SRGAP1: variants seen among roughly 807,000 people sequenced by gnomAD.
SRGAP1 encodes SLIT-ROBO Rho GTPase activating protein 1.
A neutral mutation model predicts 121.9 loss-of-function variants in SRGAP1; 43 were observed. The observed-to-expected ratio is 0.35, with a 90% CI of 0.28 to 0.46. The LOEUF (loss-of-function observed/expected upper bound fraction) is 0.46. Ranked by LOEUF, SRGAP1 falls within the 20% of genes least tolerant of loss-of-function variation. The probability of loss-of-function intolerance (pLI) is 1.00; values close to 1 mark genes in which losing one functional copy is unlikely to be tolerated. For synonymous variants in SRGAP1, 447 were observed against 485.4 expected, an observed-to-expected ratio of 0.92 and a Z score of 1.04; for missense variants, 1,102 against 1,350.9, an observed-to-expected ratio of 0.82 and a Z score of 2.89.
At position 64,144,802 on chromosome 12, in the gene SRGAP1, C is replaced by A. The variant is rs868650727; in HGVS notation, c.*2130C>A. 27 of 146,150 alleles carry A rather than the reference C, an allele frequency of 1.8e-4. No individual in the cohort carries two copies. The highest frequency in any genetic ancestry group is 6.4e-4 in the African/African-American group (25 of 38,946). 9.1% of individuals were successfully genotyped at this position (146,150 alleles called of 1,614,324 possible). A position where few individuals can be genotyped will look rare whatever the true frequency, so the allele number is the denominator to read the frequency against. On this transcript the variant is annotated 3_prime_UTR_variant, in exon 22 of 22. Transcript: ENST00000355086. ...CCTTTTAAACAATCCTCACAAATTCCTTAGGAATTTAAACTTTCCAAAATA... is the reference window on the plus strand; with the variant it reads ...CCTTTTAAACAATCCTCACAAATTCATTAGGAATTTAAACTTTCCAAAATA...
At chr12:63,958,758 T>G (rs1049017312) in intron 1 of SRGAP1, among the ~76,000 whole-genome samples, 1 of 152,232 alleles carries the variant, frequency 6.6e-6, no homozygotes, top group East Asian at 1.9e-4. Context: ...AATTAAGTCC[T>G]AAAAATCATA....
At chr12:64,024,982 A>G (rs1194580722) in intron 4 of SRGAP1, among the ~76,000 whole-genome samples, 1 of 152,148 alleles carries the variant, frequency 6.6e-6, no homozygotes, top group Non-Finnish European at 1.5e-5. Context: ...GCCAAACCAT[A>G]TCAATGCCTA....
intron 21 of SRGAP1, among the ~76,000 whole-genome samples, chr12:64,130,902 G>A (rs1335928815): frequency 1.3e-5 from 2 of 152,196 alleles, no homozygotes; most frequent in African/African-American, 4.8e-5. Flanking sequence ...TGATGGAAGA[G>A]GTCCAGTGTA....
chr12:63,900,167 C>T (rs193108720), intron 1 of SRGAP1, among the ~76,000 whole-genome samples: 2 of 150,622 alleles, frequency 1.3e-5, no homozygotes, highest in African/African-American at 2.4e-5. Flanking sequence ...CTTATGTCTC[C>T]GTTTGCCCTT....
intron 4 of SRGAP1, among the ~76,000 whole-genome samples, chr12:64,019,904 T>C (rs912737056): frequency 6.6e-6 from 1 of 152,308 alleles, no homozygotes. Flanking sequence ...CCTCAGGGAA[T>C]TGAGGATGCT....
chr12:64,012,614 A>G (rs1299247821), intron 3 of SRGAP1, among the ~76,000 whole-genome samples: 1 of 116,236 alleles, frequency 8.6e-6, no homozygotes, highest in East Asian at 2.5e-4. Context: ...GCTGGAGTGT[A>G]TGCTCACAGC....
At chr12:63,976,495 C>G (rs2136398499) in intron 1 of SRGAP1, among the ~76,000 whole-genome samples, 1 of 152,322 alleles carries the variant, frequency 6.6e-6, no homozygotes, top group South Asian at 2.1e-4. Context: ...CTCTCATTAT[C>G]TGTCTGTGTT....
intron 1 of SRGAP1, among the ~76,000 whole-genome samples, chr12:63,979,842 C>G (rs1009225593): frequency 6.6e-6 from 1 of 152,164 alleles, no homozygotes; most frequent in African/African-American, 2.4e-5. Context: ...GTCAGAGAAT[C>G]TAGGGGTAGG....
intron 1 of SRGAP1, among the ~76,000 whole-genome samples, chr12:63,902,006 T>G (rs117782892): frequency 0.019 from 2,943 of 152,280 alleles, 42 homozygotes; most frequent in South Asian, 0.035. Flanking sequence ...ACTTGCAAAA[T>G]CAAGACATGT....
intron 1 of SRGAP1, among the ~76,000 whole-genome samples, chr12:63,893,840 T>A (rs1455080779): frequency 6.6e-6 from 1 of 152,198 alleles, no homozygotes; most frequent in East Asian, 1.9e-4. Flanking sequence ...AGTCTTCATT[T>A]TTGTTTGTTT....
intron 8 of SRGAP1, among the ~76,000 whole-genome samples, chr12:64,072,108 C>CTCTCTGTGTGTGTGTGTGTG (rs775247857): frequency 1.2e-5 from 1 of 80,428 alleles, no homozygotes; most frequent in African/African-American, 4.6e-5. Context: ...CAATCTCTCT[C>CTCTCTGTGTGTGTGTGTGTG]TGTGTGTGTG....
intron 6 of SRGAP1, among the ~76,000 whole-genome samples, chr12:64,046,150 A>C (rs2035125908): frequency 6.6e-6 from 1 of 152,214 alleles, no homozygotes; most frequent in Non-Finnish European, 1.5e-5. Flanking sequence ...TTCCCATCTT[A>C]AGATGCTCAT....
intron 1 of SRGAP1, among the ~76,000 whole-genome samples, chr12:63,880,586 T>C (rs1005125234): frequency 6.6e-6 from 1 of 152,078 alleles, no homozygotes; most frequent in African/African-American, 2.4e-5. Flanking sequence ...TTCGTAGCAG[T>C]ATGAAAATTG....
intron 1 of SRGAP1, among the ~76,000 whole-genome samples, chr12:63,874,950 C>G (rs1038122817): frequency 1.3e-5 from 2 of 152,148 alleles, no homozygotes; most frequent in Non-Finnish European, 2.9e-5. Context: ...GGATCTTGCT[C>G]TGCTGCTCAG....
chr12:63,929,045 C>G (rs2031365820), intron 1 of SRGAP1, among the ~76,000 whole-genome samples: 1 of 150,734 alleles, frequency 6.6e-6, no homozygotes, highest in African/African-American at 2.4e-5. Context: ...AGGCCACGGA[C>G]CAATACCCAT....
At chr12:63,903,848 C>T (rs559413770) in intron 1 of SRGAP1, among the ~76,000 whole-genome samples, 2 of 151,470 alleles carry the variant, frequency 1.3e-5, no homozygotes, top group Non-Finnish European at 1.5e-5. Context: ...TTGGCCAGGC[C>T]GGTCATGAAC....
chr12:64,107,811 T>C (rs151147963), intron 15 of SRGAP1, among the ~76,000 whole-genome samples: 398 of 152,330 alleles, frequency 2.6e-3, no homozygotes, highest in African/African-American at 8.8e-3. Context: ...AATACTTTTT[T>C]GGAAATATTT....
chr12:64,126,167 C>A lies in SRGAP1; in HGVS notation c.2405+10C>A. The A allele has an allele frequency of 6.2e-7, 1 of 1,606,402 alleles. No homozygotes were observed. The highest frequency in any genetic ancestry group is 1.1e-5 in the South Asian group (1 of 90,556). ...TAGTGGTGCAGGATATGTGAGTAGT[C>A]TCAACTTTGATTGCCTGAGTGCTCC... On this transcript the variant is annotated intron_variant, in intron 19 of 21. Coordinates refer to ENST00000355086, the MANE Select transcript of SRGAP1 (RefSeq NM_020762.4).
chr12:63,871,722 G>T (rs756112428), intron 1 of SRGAP1: 2 of 945,604 alleles, frequency 2.1e-6, no homozygotes, highest in South Asian at 3.0e-5. Context: ...AAAATTAAAA[G>T]AAAAATATTC....
Sources: allele counts gnomAD v4.1 joint callset (sites outside exome capture counted in the v4.1 genomes callset), GRCh38; gene constraint gnomAD v4.1.1; transcripts MANE v1.5; gene names NCBI Gene and HGNC (gene_info 2026-07-23, HGNC 2026-07-21).